SIK2: variants seen among roughly 807,000 people sequenced by gnomAD.
SIK2 encodes salt inducible kinase 2, also known as serine/threonine-protein kinase SIK2.
SIK2 carries 29 observed loss-of-function variants against 103.2 expected under a neutral mutation model. The ratio of observed to expected loss-of-function variants is 0.28; its 90% CI spans 0.21 to 0.38. The LOEUF (loss-of-function observed/expected upper bound fraction) is 0.38, where lower values mean the gene tolerates loss of function less well. SIK2 is among the 10% of genes least tolerant of loss of function. The pLI is 1.00. For synonymous variants in SIK2, 412 were observed against 446.1 expected, an observed-to-expected ratio of 0.92 and a Z score of 0.96; for missense variants, 879 against 1,171.0, an observed-to-expected ratio of 0.75 and a Z score of 3.64.
chr11:111,606,815 T>G (rs1941654833), intron 1 of SIK2, among the ~76,000 whole-genome samples: 1 of 152,032 alleles, frequency 6.6e-6, no homozygotes, highest in Non-Finnish European at 1.5e-5. Context: ...TTGAGAAATT[T>G]AAAAGTATAA....
intron 3 of SIK2, among the ~76,000 whole-genome samples, chr11:111,653,154 C>T (rs1388450679): frequency 6.6e-6 from 1 of 152,110 alleles, no homozygotes; most frequent in African/African-American, 2.4e-5. Flanking sequence ...TACCCTTCCC[C>T]TCAACCAGAA....
intron 1 of SIK2, among the ~76,000 whole-genome samples, chr11:111,612,366 A>G (rs1046317398): frequency 1.3e-5 from 2 of 152,206 alleles, no homozygotes; most frequent in African/African-American, 2.4e-5. Context: ...TGTTAGTATT[A>G]TACATATTTC....
At chr11:111,710,719 G>GCT (rs1295926864) in intron 8 of SIK2, among the ~76,000 whole-genome samples, 1 of 152,186 alleles carries the variant, frequency 6.6e-6, no homozygotes, top group East Asian at 1.9e-4. Flanking sequence ...TTGGCATTGT[G>GCT]CTCTCACAGT....
chr11:111,659,581 C>T (rs1252430365), intron 3 of SIK2, among the ~76,000 whole-genome samples: 4 of 152,192 alleles, frequency 2.6e-5, no homozygotes, highest in Admixed American at 6.5e-5. Flanking sequence ...TGGCTTCCTC[C>T]GTCGCTTATT....
At chr11:111,686,143 A>C (rs1942842651) in intron 3 of SIK2, among the ~76,000 whole-genome samples, 1 of 152,018 alleles carries the variant, frequency 6.6e-6, no homozygotes, top group African/African-American at 2.4e-5. Context: ...AATGTTAGTA[A>C]ATTTTATAGT....
At position 111,712,233 on chromosome 11, in the gene SIK2, T is replaced by C. The variant is rs776467842; in HGVS notation, c.1124T>C (p.Val375Ala). The C allele has an allele frequency of 1.9e-6, 3 of 1,614,230 alleles. No individual in the cohort carries two copies. The South Asian group carries it at 3.3e-5, about 18-fold the overall frequency. The change falls in exon 9 of 15, where the codon GTG (valine) becomes GCG (alanine). Residue 375 changes from valine to alanine, a missense_variant. This residue lies in a region of SIK2 where 222 missense variants were observed against 258.0 expected (regional missense o/e 0.86). Transcript: ENST00000304987. The stretch of plus-strand genomic sequence containing the variant: ...CAGGCACAGACTGTGGGGCTCCCAG[T>C]GACCATGCATTCACCGAACATGAGG... ...VAKAQTVGLP[V>A]TMHSPNMRLL...
intron 3 of SIK2, among the ~76,000 whole-genome samples, chr11:111,648,263 C>T (rs1008260309): frequency 9.0e-5 from 13 of 144,966 alleles, no homozygotes; most frequent in Admixed American, 8.3e-4. Flanking sequence ...TTCTCTTGAG[C>T]TGCTATAACA....
At chr11:111,651,231 T>C (rs142770907) in intron 3 of SIK2, among the ~76,000 whole-genome samples, 1,723 of 152,316 alleles carry the variant, frequency 0.011, 16 homozygotes, top group Non-Finnish European at 0.02. Context: ...GAAACTTGCT[T>C]GTATTTAGTT....
At position 111,727,128 on chromosome 11, in the gene SIK2, C is replaced by T. The variant is rs1297863377; in HGVS notation, c.*2999C>T. On this transcript the variant is annotated 3_prime_UTR_variant, in exon 15 of 15. Coordinates refer to ENST00000304987, the MANE Select transcript of SIK2 (RefSeq NM_015191.3). ...CTTTCACATTCCCGGTGACACTGAC[C>T]GTCCCCAGCTGCCCCCTCGCCACCT... 7 of 1,373,960 alleles carry T rather than the reference C, an allele frequency of 5.1e-6. No homozygotes were observed. Among genetic ancestry groups the T allele is most frequent in the Admixed American group, 1.7e-5 (1 of 57,542 alleles). 85.1% of individuals were successfully genotyped at this position (1,373,960 alleles called of 1,614,324 possible).
At chr11:111,666,943 T>TTTTTTTTA (rs1555030143) in intron 3 of SIK2, among the ~76,000 whole-genome samples, 9 of 145,384 alleles carry the variant, frequency 6.2e-5, no homozygotes, top group Admixed American at 2.1e-4. Flanking sequence ...TTTTATTTTA[T>TTTTTTTTA]TTTATTTATT....
chr11:111,674,308 T>C (rs917576971), intron 3 of SIK2, among the ~76,000 whole-genome samples: 9 of 152,150 alleles, frequency 5.9e-5, no homozygotes, highest in Admixed American at 3.3e-4. Flanking sequence ...TGGTATTGGA[T>C]CATATGATTC....
At chr11:111,720,208 G>T (rs1283149040) in intron 10 of SIK2, among the ~76,000 whole-genome samples, 1 of 152,190 alleles carries the variant, frequency 6.6e-6, no homozygotes, top group Non-Finnish European at 1.5e-5. Context: ...GGCTCCCATA[G>T]TCCCCAGGAT....
At chr11:111,693,363 A>T (rs1255534757) in intron 4 of SIK2, among the ~76,000 whole-genome samples, 2 of 151,672 alleles carry the variant, frequency 1.3e-5, no homozygotes, top group Non-Finnish European at 2.9e-5. Flanking sequence ...GACACTAATG[A>T]GCCATGGATT....
chr11:111,660,179 G>A (rs972794369), intron 3 of SIK2, among the ~76,000 whole-genome samples: 1 of 152,088 alleles, frequency 6.6e-6, no homozygotes, highest in Non-Finnish European at 1.5e-5. Context: ...CCCATCACTG[G>A]CCAGGGGGAA....
rs1404098733 is a variant in SIK2 at position 111,711,702 on chromosome 11, A to G, written c.1102-509A>G. On this transcript the variant is annotated intron_variant, in intron 8 of 14. Coordinates refer to ENST00000304987, the MANE Select transcript of SIK2 (RefSeq NM_015191.3). ...CCTCTTCGCATACACCCTTACCAATAAATATTTACCATCTCACCTACACCA... is the reference window on the plus strand; with the variant it reads ...CCTCTTCGCATACACCCTTACCAATGAATATTTACCATCTCACCTACACCA... Among the ~76,000 whole-genome samples, 7 of 152,262 alleles carry G rather than the reference A, an allele frequency of 4.6e-5. No individual in the cohort carries two copies. The East Asian group carries it at 1.4e-3, about 29-fold the overall frequency.
At chr11:111,686,064 A>C (rs1309378077) in intron 3 of SIK2, among the ~76,000 whole-genome samples, 1 of 152,316 alleles carries the variant, frequency 6.6e-6, no homozygotes, top group South Asian at 2.1e-4. Flanking sequence ...GTTATCATAG[A>C]AGGTTTTAGG....
chr11:111,613,497 C>T (rs1941757865), intron 1 of SIK2, among the ~76,000 whole-genome samples: 1 of 152,144 alleles, frequency 6.6e-6, no homozygotes, highest in Admixed American at 6.5e-5. Context: ...CAATTATACA[C>T]TTATCCTTTT....
rs760734794 is a variant in SIK2 at position 111,705,149 on chromosome 11, C to T, written c.1101+10C>T. 1.3e-6 allele frequency: 2 copies of T among 1,550,766 alleles called. No individual in the cohort carries two copies. The highest frequency in any genetic ancestry group is 2.4e-5 in the East Asian group (1 of 41,744). ...GCAAACAGTTGCCAAGGTAATGCCC[C>T]CTTAGCTGAGAGTCTTATCTGTGCA... On this transcript the variant is annotated intron_variant, in intron 8 of 14. Transcript: ENST00000304987. The surrounding 1 kb of genome is among the most constrained non-coding windows in gnomAD (Gnocchi z 4.3).
intron 3 of SIK2, among the ~76,000 whole-genome samples, chr11:111,623,765 G>C (rs1169859171): frequency 1.3e-5 from 2 of 152,160 alleles, no homozygotes; most frequent in African/African-American, 4.8e-5. Flanking sequence ...CCTCACACGT[G>C]AGCCAATCAG....
Sources: gnomAD v4.1 joint callset for allele counts (sites outside exome capture counted in the v4.1 genomes callset) on GRCh38, gnomAD v4.1.1 for gene constraint, gnomAD v4.1.1 regional missense constraint, Gnocchi (gnomAD v3.1) non-coding constraint, MANE v1.5 for transcripts, NCBI Gene and HGNC (gene_info 2026-07-23, HGNC 2026-07-21) for gene names.